Variants in LZIC observed in about 807,000 individuals in gnomAD.
LZIC encodes leucine zipper and CTNNBIP1 domain containing, also known as protein LZIC.
LZIC carries 28 observed loss-of-function variants against 25.4 expected under a neutral mutation model. That is an observed-to-expected ratio of 1.10 (90% confidence interval 0.82 to 1.51). The LOEUF is 1.51. Among genes scored for constraint, LZIC ranks in the 40% most tolerant of loss-of-function variants. The pLI, the probability that LZIC is intolerant of heterozygous loss-of-function variation, is 0.00. For missense variants in LZIC, 170 were observed against 211.1 expected, an observed-to-expected ratio of 0.81 and a Z score of 1.21; for synonymous variants, 65 against 70.7, an observed-to-expected ratio of 0.92 and a Z score of 0.40.
chr1:9,940,296 C>T (rs537488973), intron 2 of LZIC, among the ~76,000 whole-genome samples: 41 of 152,176 alleles, frequency 2.7e-4, no homozygotes, highest in African/African-American at 9.6e-4. Flanking sequence ...CCTGCCTCAG[C>T]CTCCCGAGTA....
intron 7 of LZIC, among the ~76,000 whole-genome samples, chr1:9,931,604 A>G (rs1315294880): frequency 6.6e-6 from 1 of 151,932 alleles, no homozygotes; most frequent in East Asian, 1.9e-4. Context: ...GGGTCTCACC[A>G]TGTTGCCCAG....
intron 2 of LZIC, among the ~76,000 whole-genome samples, chr1:9,941,748 C>T (rs1435952634): frequency 6.6e-5 from 10 of 152,140 alleles, no homozygotes; most frequent in African/African-American, 2.2e-4. Context: ...CTGCCTGCCT[C>T]GGCCTCCCAA....
chr1:9,929,056 A>C lies in LZIC; in HGVS notation c.*1343T>G, dbSNP rs1001248896. 1 of 153,280 alleles carries C rather than the reference A, an allele frequency of 6.5e-6. No homozygotes were observed. Among genetic ancestry groups the C allele is most frequent in the Non-Finnish European group, 1.4e-5 (1 of 69,070 alleles). 9.5% of individuals were successfully genotyped at this position (153,280 alleles called of 1,614,324 possible). ...AGGGAATGGGGACTAACTGCTTAATAGGTATAGGGCCTCCTTTGGGGGTGA... is the reference window on the plus strand; with the variant it reads ...AGGGAATGGGGACTAACTGCTTAATCGGTATAGGGCCTCCTTTGGGGGTGA... On this transcript the variant is annotated 3_prime_UTR_variant, in exon 8 of 8. Coordinates refer to ENST00000377223, the MANE Select transcript of LZIC (RefSeq NM_032368.5).
At position 9,927,748 on chromosome 1, in the gene LZIC, A is replaced by T. The variant is rs1570622872; in HGVS notation, c.*2651T>A. 7.8e-6 allele frequency among the ~76,000 whole-genome samples: 1 copy of T among 128,922 alleles called. No individual in the cohort carries two copies. The highest frequency in any genetic ancestry group is 1.5e-5 in the Non-Finnish European group (1 of 64,878). 84.6% of individuals were successfully genotyped at this position (128,922 alleles called of 152,430 possible). A position where few individuals can be genotyped will look rare whatever the true frequency, so the allele number is the denominator to read the frequency against. On this transcript the variant is annotated 3_prime_UTR_variant, in exon 8 of 8. Coordinates refer to ENST00000377223, the MANE Select transcript of LZIC (RefSeq NM_032368.5). Reference sequence around the variant, plus strand: ...GCCCAGGCTGGAGTGCAGTGGCGCCATCTCGGCTCACCGAAACCTCTGCCT... The same window carrying T: ...GCCCAGGCTGGAGTGCAGTGGCGCCTTCTCGGCTCACCGAAACCTCTGCCT...
intron 5 of LZIC, among the ~76,000 whole-genome samples, chr1:9,933,224 C>T (rs1640305132): frequency 1.6e-5 from 2 of 126,780 alleles, no homozygotes; most frequent in African/African-American, 3.1e-5. Flanking sequence ...CACTGCACTC[C>T]AGCCTGGGTG....
chr1:9,941,189 GTT>G (rs1640711642), intron 2 of LZIC, among the ~76,000 whole-genome samples: 2 of 114,566 alleles, frequency 1.7e-5, no homozygotes, highest in Non-Finnish European at 4.2e-5. Flanking sequence ...TCGTTCGTTC[GTT>G]CTTTCTTTCC....
downstream of LZIC, among the ~76,000 whole-genome samples, chr1:9,925,895 T>A (rs1420044192): frequency 7.3e-6 from 1 of 136,416 alleles, no homozygotes; most frequent in Admixed American, 7.4e-5. Flanking sequence ...CCTTTTTTTT[T>A]TTTTTTTTTT....
chr1:9,935,795 G>A (rs1640429629), intron 3 of LZIC, among the ~76,000 whole-genome samples, 168 bp from the exon 4 acceptor site: 1 of 152,024 alleles, frequency 6.6e-6, no homozygotes, highest in South Asian at 2.1e-4. Context: ...TAGTTACTTT[G>A]GTAAACATTT....
Position 9,929,993 on chromosome 1 carries a change from A to G in LZIC, c.*406T>C. The G allele has an allele frequency of 1.0e-6, 1 of 992,120 alleles. No homozygotes were observed. The allele number at this position is 992,120 out of a possible 1,614,324, so 61.5% of individuals were successfully genotyped here. On this transcript the variant is annotated 3_prime_UTR_variant, in exon 8 of 8. Coordinates refer to ENST00000377223, the MANE Select transcript of LZIC (RefSeq NM_032368.5). ...AATTCTATGAACACTTATGAAGTCT[A>G]TTGAGCTTGCGTCACTGTTCACTCC... is the stretch of plus-strand genomic sequence containing the variant.
At chr1:9,935,195 C>A (rs1410251902) in intron 4 of LZIC, among the ~76,000 whole-genome samples, 2 of 151,612 alleles carry the variant, frequency 1.3e-5, no homozygotes, top group African/African-American at 4.8e-5. Context: ...TTTGGGAGGC[C>A]GAGGCAGACA....
chr1:9,939,288 C>G (rs1051939796), intron 2 of LZIC, among the ~76,000 whole-genome samples: 1 of 151,690 alleles, frequency 6.6e-6, no homozygotes, highest in Non-Finnish European at 1.5e-5. Flanking sequence ...TCTTGAACTC[C>G]TGACCTCAAA....
rs1470609566 is a variant in LZIC at position 9,930,217 on chromosome 1, C to G, written c.*182G>C. 2 of 1,450,514 alleles carry G rather than the reference C, an allele frequency of 1.4e-6. No individual in the cohort carries two copies. The highest frequency in any genetic ancestry group is 2.8e-5 in the African/African-American group (2 of 70,802). 89.9% of individuals were successfully genotyped at this position (1,450,514 alleles called of 1,614,324 possible). A position where few individuals can be genotyped will look rare whatever the true frequency, so the allele number is the denominator to read the frequency against. On this transcript the variant is annotated 3_prime_UTR_variant, in exon 8 of 8. Coordinates refer to ENST00000377223, the MANE Select transcript of LZIC (RefSeq NM_032368.5). ...TCAGGATCACTCAAGCAGGTAACCGCACACAACGCACAATGATGAAGAGCA... is the reference window on the plus strand; with the variant it reads ...TCAGGATCACTCAAGCAGGTAACCGGACACAACGCACAATGATGAAGAGCA...
In LZIC at chr1:9,936,718, C is replaced by T. The variant is rs982896043; in HGVS notation, c.-8-91G>A. 9.7e-6 allele frequency: 8 copies of T among 820,826 alleles called. No homozygotes were observed. The African/African-American group carries it at 1.4e-4, about 14-fold the overall frequency. The allele number at this position is 820,826 out of a possible 1,614,324, so 50.8% of individuals were successfully genotyped here. On this transcript the variant is annotated intron_variant, in intron 2 of 7. Transcript: ENST00000377223. The stretch of plus-strand genomic sequence containing the variant: ...TATTTTTTGTAGAGACAGAGTCTCA[C>T]TATGTTGCCCAGGCTGGTCTCGGAA...
In LZIC at chr1:9,930,183, G is replaced by A. The variant is rs1035741036; in HGVS notation, c.*216C>T. ...ACAGAGTCCAGTGAGTCCCTCTGTC[G>A]CAACAAGTTCAGGATCACTCAAGCA... On this transcript the variant is annotated 3_prime_UTR_variant, in exon 8 of 8. Coordinates refer to ENST00000377223, the MANE Select transcript of LZIC (RefSeq NM_032368.5). The A allele has an allele frequency of 2.3e-5, 31 of 1,330,724 alleles. No individual in the cohort carries two copies. Among genetic ancestry groups the A allele is most frequent in the African/African-American group, 5.8e-5 (4 of 68,410 alleles). 82.4% of individuals were successfully genotyped at this position (1,330,724 alleles called of 1,614,324 possible).
downstream of LZIC, among the ~76,000 whole-genome samples, chr1:9,926,013 C>G (rs1480412179): frequency 6.6e-6 from 1 of 151,232 alleles, no homozygotes; most frequent in African/African-American, 2.4e-5. Context: ...CCTGCCTCAG[C>G]CTCCTGAGTA....
intron 2 of LZIC, among the ~76,000 whole-genome samples, chr1:9,939,735 G>A (rs959688234): frequency 1.3e-5 from 2 of 151,784 alleles, no homozygotes; most frequent in African/African-American, 4.8e-5. Flanking sequence ...TGCCTTTATT[G>A]TTTTCTCCTC....
chr1:9,936,494 T>A (rs1481837562), intron 3 of LZIC, 25 bp downstream of exon 3: 1 of 1,545,288 alleles, frequency 6.5e-7, no homozygotes, highest in South Asian at 1.1e-5. Context: ...GTTTCCAGCA[T>A]AACAACATAC....
chr1:9,941,848 A>G (rs1186357733), intron 2 of LZIC, among the ~76,000 whole-genome samples: 1 of 152,088 alleles, frequency 6.6e-6, no homozygotes, highest in Non-Finnish European at 1.5e-5. Flanking sequence ...ACAGACAAAA[A>G]GTGCCGAATA....
At chr1:9,941,980 G>A (rs969308585) in intron 2 of LZIC, among the ~76,000 whole-genome samples, 2 of 152,078 alleles carry the variant, frequency 1.3e-5, no homozygotes, top group African/African-American at 4.8e-5. Context: ...GCAGTGGCGC[G>A]ATCTCGGCTC....
Sources: allele counts gnomAD v4.1 joint callset (sites outside exome capture counted in the v4.1 genomes callset), GRCh38; gene constraint gnomAD v4.1.1; transcripts MANE v1.5; gene names NCBI Gene and HGNC (gene_info 2026-07-23, HGNC 2026-07-21).